The following ANKRD28 variants were observed in gnomAD, a reference collection of about 807,000 sequenced individuals.
ANKRD28 encodes ankyrin repeat domain 28.
In ANKRD28, 44 loss-of-function variants were observed where a neutral mutation model predicts 126.5. That is an observed-to-expected ratio of 0.35 (90% CI 0.27 to 0.45). The LOEUF (loss-of-function observed/expected upper bound fraction) is 0.45. ANKRD28 is among the 20% of genes least tolerant of loss of function. The pLI is 1.00. For missense variants in ANKRD28, 1,110 were observed against 1,316.6 expected, an observed-to-expected ratio of 0.84 and a Z score of 2.43; for synonymous variants, 442 against 468.5, an observed-to-expected ratio of 0.94 and a Z score of 0.73.
rs1430453411 is a variant in ANKRD28, at chr3:15,845,026, T to C, written c.27+14351A>G. On this transcript the variant is annotated intron_variant, in intron 1 of 27. Coordinates refer to the ANKRD28 transcript ENST00000399451. This position sits in a 1 kb window ranked among gnomAD's most constrained non-coding sequence, Gnocchi z 4.9. ...TTACATGGCTGGAGCAGGAGCAAAA[T>C]GGGGACACGGGGGTGCTAGGCACTT... 2.0e-5 allele frequency among the ~76,000 whole-genome samples: 3 copies of C among 151,868 alleles called. No individual in the cohort carries two copies. The highest frequency in any genetic ancestry group is 7.3e-5 in the African/African-American group (3 of 41,326).
intron 2 of ANKRD28, among the ~76,000 whole-genome samples, chr3:15,773,901 C>A (rs1043257592): frequency 6.6e-6 from 1 of 152,134 alleles, no homozygotes; most frequent in Non-Finnish European, 1.5e-5. Context: ...TTGGGGGCCT[C>A]ACGCTGTTTG....
At chr3:15,691,809 T>C (rs1180854653) in intron 17 of ANKRD28, among the ~76,000 whole-genome samples, 1 of 152,160 alleles carries the variant, frequency 6.6e-6, no homozygotes, top group Non-Finnish European at 1.5e-5. Flanking sequence ...TGAGGAATCA[T>C]ACATTAAATA....
chr3:15,855,320 T>C (rs552924681), intron 1 of ANKRD28, among the ~76,000 whole-genome samples: 59 of 152,196 alleles, frequency 3.9e-4, no homozygotes, highest in African/African-American at 8.7e-4. Context: ...CACTGATATA[T>C]GCCAACCCTG....
rs1304207103 is a variant in ANKRD28 at position 15,812,214 on chromosome 3, T to C, written c.28-16908A>G. ...CAATAAAATGTTTCTAAGATGATAA[T>C]CAAAGATGGCATCATAGAGCTGGGC... On this transcript the variant is annotated intron_variant, in intron 1 of 27. Transcript: ENST00000399451. This position sits in a 1 kb window ranked among gnomAD's most constrained non-coding sequence, Gnocchi z 4.1. Among the ~76,000 whole-genome samples the C allele has an allele frequency of 6.6e-6, 1 of 151,668 alleles. No individual in the cohort carries two copies. The highest frequency in any genetic ancestry group is 1.5e-5 in the Non-Finnish European group (1 of 67,918).
chr3:15,750,356 T>C (rs753463295), intron 4 of ANKRD28, among the ~76,000 whole-genome samples: 60 of 152,270 alleles, frequency 3.9e-4, no homozygotes, highest in Non-Finnish European at 4.1e-4. Flanking sequence ...AACATTACAA[T>C]GGAATTTCAG....
chr3:15,741,891 CACGCCTGACTGGTTTTCGTATTTTTTT>C, intron 4 of ANKRD28, among the ~76,000 whole-genome samples: 1 of 151,930 alleles, frequency 6.6e-6, no homozygotes, highest in African/African-American at 2.4e-5. Context: ...CGCGCGCCAC[CACGCCTGACTGGTTTTCGTATTTTTTT>C]GGTGGAGACG....
At chr3:15,828,423 G>C (rs532927099) in intron 1 of ANKRD28, among the ~76,000 whole-genome samples, 1 of 152,114 alleles carries the variant, frequency 6.6e-6, no homozygotes, top group East Asian at 1.9e-4. Flanking sequence ...CTCATAAAAA[G>C]GTGACATGAT....
chr3:15,677,009 T>G lies in ANKRD28; in HGVS notation c.2838A>C (p.Arg946Ser). The G allele has an allele frequency of 6.2e-7, 1 of 1,613,432 alleles. No individual in the cohort carries two copies. Residue 946 changes from arginine (R) to serine (S), a missense_variant, in exon 26 of 28, where the codon AGA becomes AGC. By Grantham distance (110) the Arg-to-Ser change is moderately radical. Transcript: ENST00000683139. ...ALLILEKITD[R>S]NLINATNAAL... ...CTGCGTTGGTTGCATTGATGAGGTT[T>G]CTATCTGTTATCTTTTCCAGTATTA...
chr3:15,795,273 G>T lies in ANKRD28; in HGVS notation c.151C>A (p.Pro51Thr). 1 of 1,612,628 alleles carries T rather than the reference G, an allele frequency of 6.2e-7. No individual in the cohort carries two copies. The highest frequency in any genetic ancestry group is 1.3e-5 in the African/African-American group (1 of 74,974). ...AATATTAGTGCTCGAACTTCATCAG[G>T]ATCTCCGTTAAATATAGCTTGCACC... ...SLVQAIFNGD[P>T]DEVRALIFKK... Residue 51 changes from proline (P) to threonine (T), a missense_variant, in exon 2 of 28, where the codon CCT (proline) becomes ACT (threonine). Pro to Thr is a conservative substitution (Grantham distance 38). Coordinates refer to ENST00000683139, the MANE Select transcript of ANKRD28 (RefSeq NM_001349278.2).
Position 15,668,041 on chromosome 3 carries a change from GGACA to G in ANKRD28, c.*2225_*2228del, listed in dbSNP as rs956358597. 6.6e-6 allele frequency: 1 copy of G among 152,224 alleles called. No individual in the cohort carries two copies. The highest frequency in any genetic ancestry group is 2.4e-5 in the African/African-American group (1 of 41,432). 9.4% of individuals were successfully genotyped at this position (152,224 alleles called of 1,614,324 possible). The stretch of plus-strand genomic sequence containing the variant: ...CCAACATTCTCAGGGTTCTCTTGGA[GGACA>G]GACCCAGGCCCAAAGACAGAAGTTA... On this transcript the variant is annotated 3_prime_UTR_variant, in exon 28 of 28. Transcript: ENST00000683139.
rs2061534179 is a variant in ANKRD28, at chr3:15,846,485, T to C, written c.27+12892A>G. ...AGGCTGCTTTCACAAACACAATATA[T>C]ACAGGGTCTGGAAGTCAACAGCTGA... On this transcript the variant is annotated intron_variant, in intron 1 of 27. Transcript: ENST00000399451. This position sits in a 1 kb window ranked among gnomAD's most constrained non-coding sequence, Gnocchi z 5.4. Among the ~76,000 whole-genome samples the C allele has an allele frequency of 6.6e-6, 1 of 152,122 alleles. No individual in the cohort carries two copies. Among genetic ancestry groups the C allele is most frequent in the Admixed American group, 6.5e-5 (1 of 15,270 alleles).
intron 1 of ANKRD28, among the ~76,000 whole-genome samples, chr3:15,835,023 C>A (rs2061292384): frequency 6.6e-6 from 1 of 152,144 alleles, no homozygotes; most frequent in Non-Finnish European, 1.5e-5. Flanking sequence ...TGGCGCACAC[C>A]TGTAATTCCA....
intron 2 of ANKRD28, among the ~76,000 whole-genome samples, chr3:15,769,409 A>G (rs1210744067): frequency 6.6e-6 from 1 of 152,214 alleles, no homozygotes; most frequent in African/African-American, 2.4e-5. Flanking sequence ...TTAAAAAGTG[A>G]CGATCCCCTT....
chr3:15,834,852 A>G (rs2061288233), intron 1 of ANKRD28, among the ~76,000 whole-genome samples: 1 of 152,210 alleles, frequency 6.6e-6, no homozygotes, highest in Non-Finnish European at 1.5e-5. Flanking sequence ...CTTCCCTGTT[A>G]TGTCACAAGT....
At chr3:15,858,628 T>C (rs1261725275) in intron 1 of ANKRD28, among the ~76,000 whole-genome samples, 1 of 152,204 alleles carries the variant, frequency 6.6e-6, no homozygotes. Context: ...TGTGTAAATG[T>C]CACACATTAA....
intron 3 of ANKRD28, among the ~76,000 whole-genome samples, chr3:15,753,438 A>G (rs541158608): frequency 1.3e-5 from 2 of 152,338 alleles, no homozygotes; most frequent in Admixed American, 6.5e-5. Flanking sequence ...TAGGACTTCA[A>G]TGGTTCTCTT....
chr3:15,799,601 T>G (rs1386158325), upstream of ANKRD28, among the ~76,000 whole-genome samples: 3 of 152,106 alleles, frequency 2.0e-5, no homozygotes, highest in Non-Finnish European at 4.4e-5. Context: ...TATCTGAAAG[T>G]GAAACAACTA....
chr3:15,766,385 A>C (rs934491835), intron 2 of ANKRD28, 73 bp from the exon 3 acceptor site: 2 of 1,058,198 alleles, frequency 1.9e-6, no homozygotes, highest in Non-Finnish European at 2.8e-6. Flanking sequence ...TAATAACCAC[A>C]ACAACAACCC....
At position 15,670,552 on chromosome 3, in the gene ANKRD28, A is replaced by G. The variant is rs1312240883; in HGVS notation, c.2970T>C (p.Tyr990=). 3 of 1,607,028 alleles carry G rather than the reference A, an allele frequency of 1.9e-6. No homozygotes were observed. Among genetic ancestry groups the G allele is most frequent in the Admixed American group, 1.7e-5 (1 of 59,086 alleles). The change falls in exon 28 of 28, where the codon TAT becomes TAC. Residue 990 remains tyrosine, a synonymous_variant. Transcript: ENST00000683139. ...TGGGAGCACAGGCCAAAGCTGGGGT[A>G]TAGCCTAGAATTAAAGATAAAATTT... ...ASVLAVDENG[Y]TPALACAPNK...
Sources: allele counts gnomAD v4.1 joint callset (sites outside exome capture counted in the v4.1 genomes callset), GRCh38; gene constraint gnomAD v4.1.1; non-coding constraint Gnocchi (gnomAD v3.1); transcripts MANE v1.5; gene names NCBI Gene and HGNC (gene_info 2026-07-23, HGNC 2026-07-21).